BMP2K: variants seen among roughly 807,000 people sequenced by gnomAD.
BMP2K encodes the protein BMP-2-inducible protein kinase.
In BMP2K, 74 loss-of-function variants were observed where a neutral mutation model predicts 116.0. That is an observed-to-expected ratio of 0.64 (90% CI 0.53 to 0.77). The LOEUF (loss-of-function observed/expected upper bound fraction) is 0.77. BMP2K is among the 30% of genes least tolerant of loss of function. BMP2K has a pLI of 0.00. For synonymous variants in BMP2K, 486 were observed against 502.5 expected, an observed-to-expected ratio of 0.97 and a Z score of 0.44; for missense variants, 1,365 against 1,403.6, an observed-to-expected ratio of 0.97 and a Z score of 0.44.
At chr4:78,820,304 A>G (rs1729553876) in intron 1 of BMP2K, among the ~76,000 whole-genome samples, 1 of 152,180 alleles carries the variant, frequency 6.6e-6, no homozygotes, top group Non-Finnish European at 1.5e-5. Context: ...TCTAAGGCAA[A>G]TATACAACCA....
chr4:78,806,437 C>T (rs950636371), intron 1 of BMP2K, among the ~76,000 whole-genome samples: 2 of 152,108 alleles, frequency 1.3e-5, no homozygotes, highest in African/African-American at 4.8e-5. Flanking sequence ...CTTGGCCTAC[C>T]AGAGCACTGG....
At chr4:78,891,277 C>T (rs1440385619) in intron 15 of BMP2K, among the ~76,000 whole-genome samples, 1 of 151,958 alleles carries the variant, frequency 6.6e-6, no homozygotes, top group Non-Finnish European at 1.5e-5. Context: ...TCCTCTTTTT[C>T]TTATTCCTGC....
At chr4:78,846,359 G>C (rs1730999986) in intron 5 of BMP2K, among the ~76,000 whole-genome samples, 1 of 151,598 alleles carries the variant, frequency 6.6e-6, no homozygotes, top group Non-Finnish European at 1.5e-5. Context: ...CTCCACAGTA[G>C]TAGTATTCAG....
At chr4:78,895,553 TAAAA>T (rs561465214) in intron 15 of BMP2K, among the ~76,000 whole-genome samples, 1 of 143,800 alleles carries the variant, frequency 7.0e-6, no homozygotes, top group Admixed American at 6.9e-5. Flanking sequence ...AACTGACACC[TAAAA>T]AAAAAAGAGG....
At chr4:78,783,056 C>A (rs17003450) in intron 1 of BMP2K, among the ~76,000 whole-genome samples, 9,684 of 152,226 alleles carry the variant, frequency 0.064, 427 homozygotes, top group East Asian at 0.23. Flanking sequence ...TTTGGTTATA[C>A]GCTTTCAGTG....
chr4:78,822,935 T>G lies in BMP2K; in HGVS notation c.179-3102T>G, dbSNP rs146272011. Among the ~76,000 whole-genome samples the G allele has an allele frequency of 5.1e-3, 776 of 152,270 alleles. 4 individuals are homozygous for G. The highest frequency in any genetic ancestry group is 8.0e-3 in the Non-Finnish European group (541 of 67,982). On this transcript the variant is annotated intron_variant, in intron 1 of 15. Coordinates refer to ENST00000502613, the MANE Select transcript of BMP2K (RefSeq NM_198892.2). ...ACCCCTCTCTTGGACTACTATAGTG[T>G]CCTAACTAGTTACCTCCCTGTAAGT...
At chr4:78,851,796 G>A (rs940659622) in intron 7 of BMP2K, among the ~76,000 whole-genome samples, 2 of 151,996 alleles carry the variant, frequency 1.3e-5, no homozygotes, top group Admixed American at 6.6e-5. Flanking sequence ...AAGAAAATAA[G>A]TGTGAAATTA....
chr4:78,794,824 A>G (rs1339973328), intron 1 of BMP2K, among the ~76,000 whole-genome samples: 1 of 152,186 alleles, frequency 6.6e-6, no homozygotes, highest in Non-Finnish European at 1.5e-5. Context: ...GGGCCTCCCA[A>G]AGTGCTGAGA....
At chr4:78,799,385 T>C (rs938133266) in intron 1 of BMP2K, among the ~76,000 whole-genome samples, 2 of 152,198 alleles carry the variant, frequency 1.3e-5, no homozygotes, top group African/African-American at 4.8e-5. Flanking sequence ...ATTATATTCG[T>C]TGATTTCTTA....
chr4:78,909,473 T>C (rs1226327459), intron 15 of BMP2K, among the ~76,000 whole-genome samples: 1 of 152,200 alleles, frequency 6.6e-6, no homozygotes. Context: ...TATCATGGCC[T>C]TAGAGGACCT....
intron 15 of BMP2K, among the ~76,000 whole-genome samples, chr4:78,893,249 T>C (rs1429867825): frequency 6.6e-6 from 1 of 152,252 alleles, no homozygotes; most frequent in African/African-American, 2.4e-5. Context: ...ACTCCTCATC[T>C]GTTCCAGTTT....
At chr4:78,826,478 C>T (rs1211166699) in intron 2 of BMP2K, among the ~76,000 whole-genome samples, 3 of 152,194 alleles carry the variant, frequency 2.0e-5, no homozygotes, top group African/African-American at 7.2e-5. Context: ...GTTGGGATTA[C>T]AGGTGTGAGC....
At chr4:78,851,114 A>G (rs1731232193) in intron 7 of BMP2K, 58 bp downstream of exon 7, 2 of 1,419,322 alleles carry the variant, frequency 1.4e-6, no homozygotes, top group African/African-American at 1.5e-5. Context: ...AGGGCCTACT[A>G]TTTACATTCC....
intron 3 of BMP2K, among the ~76,000 whole-genome samples, chr4:78,841,740 T>C (rs1291943342): frequency 1.3e-5 from 2 of 152,122 alleles, no homozygotes; most frequent in Admixed American, 6.6e-5. Flanking sequence ...CTGGCTTTCT[T>C]TGAGTTATTC....
chr4:78,808,078 G>A (rs1417557494), intron 1 of BMP2K, among the ~76,000 whole-genome samples: 1 of 151,080 alleles, frequency 6.6e-6, no homozygotes, highest in African/African-American at 2.4e-5. Context: ...TTTTCGAGAT[G>A]GAGTCTCGCT....
intron 1 of BMP2K, among the ~76,000 whole-genome samples, chr4:78,777,144 G>A (rs6846600): frequency 0.041 from 6,173 of 152,052 alleles, 425 homozygotes; most frequent in African/African-American, 0.14. Context: ...CAGGGCATAG[G>A]ACCCTGCAGC....
At position 78,914,006 on chromosome 4, in the gene BMP2K, A is replaced by G. The variant is rs2110115891; in HGVS notation, c.*1973A>G. On this transcript the variant is annotated 3_prime_UTR_variant, in exon 16 of 16. Transcript: ENST00000502613. ...TAGATTCAAGTGATACTTTCTTTTA[A>G]AAGTGAAGAGTTGATGATTACACAT... 6.6e-6 allele frequency: 1 copy of G among 152,202 alleles called. No individual in the cohort carries two copies. Among genetic ancestry groups the G allele is most frequent in the South Asian group, 2.1e-4 (1 of 4,822 alleles). The allele number at this position is 152,202 out of a possible 1,614,324, so 9.4% of individuals were successfully genotyped here.
intron 15 of BMP2K, among the ~76,000 whole-genome samples, chr4:78,892,954 T>C (rs1037912586): frequency 6.6e-6 from 1 of 152,102 alleles, no homozygotes; most frequent in East Asian, 1.9e-4. Context: ...AAAGAAGGGG[T>C]GGCTATGGTA....
rs2109907936 is a variant in BMP2K, at chr4:78,776,643, T to C, written c.100T>C (p.Ser34Pro). 2 of 1,220,772 alleles carry C rather than the reference T, an allele frequency of 1.6e-6. No individual in the cohort carries two copies. The highest frequency in any genetic ancestry group is 1.0e-6 in the Non-Finnish European group (1 of 977,068). 75.6% of individuals were successfully genotyped at this position (1,220,772 alleles called of 1,614,324 possible). Residue 34 changes from serine (S) to proline (P), a missense_variant, in exon 1 of 16, where the codon TCC becomes CCC. By Grantham distance (74) the Ser-to-Pro change is moderately conservative. Around this residue, in one of 3 missense-constraint regions of BMP2K, gnomAD observed 762 missense variants for 756.7 expected, o/e 1.01. Coordinates refer to ENST00000502613, the MANE Select transcript of BMP2K (RefSeq NM_198892.2). ...GGAGAGAGCGSGGSSVGVRVF... is the reference protein window; with the variant it reads ...GGAGAGAGCGPGGSSVGVRVF... Reference sequence around the variant, plus strand: ...GGCCGGGGCCGGGGCCGGCTGCGGCTCCGGCGGCTCGTCCGTGGGGGTCCG... The same window carrying C: ...GGCCGGGGCCGGGGCCGGCTGCGGCCCCGGCGGCTCGTCCGTGGGGGTCCG...
Sources: allele counts gnomAD v4.1 joint callset (sites outside exome capture counted in the v4.1 genomes callset), GRCh38; gene constraint gnomAD v4.1.1; regional missense constraint gnomAD v4.1.1; transcripts MANE v1.5; gene names NCBI Gene and HGNC (gene_info 2026-07-23, HGNC 2026-07-21).